Variants in LRRTM4 observed in about 807,000 individuals in gnomAD.
LRRTM4 encodes the protein leucine-rich repeat transmembrane neuronal protein 4.
In LRRTM4, 25 loss-of-function variants were observed where a neutral mutation model predicts 47.6. That is an observed-to-expected ratio of 0.53 (90% CI 0.38 to 0.73). The LOEUF is 0.73. Ranked by LOEUF, LRRTM4 falls within the 30% of genes least tolerant of loss-of-function variation. The pLI is 0.00. For synonymous variants in LRRTM4, 311 were observed against 269.5 expected (o/e 1.15, Z -1.51); for missense variants, 638 against 713.4 (o/e 0.89, Z 1.20).
At chr2:77,321,553 G>GT (rs1553428210) in intron 3 of LRRTM4, among the ~76,000 whole-genome samples, 3 of 71,256 alleles carry the variant, frequency 4.2e-5, no homozygotes, top group African/African-American at 3.1e-4. Flanking sequence ...AAATCGGGGA[G>GT]GGGGGGGGGT....
chr2:76,769,563 G>T (rs894262958), intron 3 of LRRTM4, among the ~76,000 whole-genome samples: 1 of 152,010 alleles, frequency 6.6e-6, no homozygotes, highest in Admixed American at 6.6e-5. Context: ...CAATAATATG[G>T]TTGTTAAAAT....
intron 3 of LRRTM4, among the ~76,000 whole-genome samples, chr2:76,981,463 C>T (rs1460864607): frequency 6.6e-6 from 1 of 152,024 alleles, no homozygotes; most frequent in Non-Finnish European, 1.5e-5. Context: ...AGAAATTTAA[C>T]ATCAGTCCAA....
At chr2:77,015,571 G>A (rs971580016) in intron 3 of LRRTM4, among the ~76,000 whole-genome samples, 1 of 151,732 alleles carries the variant, frequency 6.6e-6, no homozygotes, top group Non-Finnish European at 1.5e-5. Flanking sequence ...TGATCCACCC[G>A]CCTTGGCCTC....
chr2:77,499,575 T>A (rs1678494413), intron 3 of LRRTM4, among the ~76,000 whole-genome samples: 1 of 151,900 alleles, frequency 6.6e-6, no homozygotes, highest in African/African-American at 2.4e-5. Flanking sequence ...TAAACTGAAA[T>A]GAACAACATG....
chr2:77,344,947 T>C (rs1297904428), intron 3 of LRRTM4, among the ~76,000 whole-genome samples: 1 of 151,594 alleles, frequency 6.6e-6, no homozygotes, highest in African/African-American at 2.4e-5. Flanking sequence ...TATGATCAAT[T>C]CTTTCTAGAC....
At position 77,233,467 on chromosome 2, in the gene LRRTM4, G is replaced by C. The variant is rs115429585; in HGVS notation, c.1551+284851C>G. Among the ~76,000 whole-genome samples, 1,371 of 151,752 alleles carry C rather than the reference G, an allele frequency of 9.0e-3. 25 individuals are homozygous for C. Among genetic ancestry groups the C allele is most frequent in the African/African-American group, 0.031 (1,263 of 41,396 alleles). On this transcript the variant is annotated intron_variant, in intron 3 of 3. Coordinates refer to ENST00000409884, the MANE Select transcript of LRRTM4 (RefSeq NM_001134745.3). ...AATAGTGTAAATTCTGGGGTATCTT[G>C]GAATTACACTTTTATGTATGTATAT...
intron 3 of LRRTM4, among the ~76,000 whole-genome samples, chr2:76,863,533 G>C (rs544326615): frequency 2.0e-5 from 3 of 152,250 alleles, no homozygotes; most frequent in Non-Finnish European, 4.4e-5. Context: ...AGCTAGTGTA[G>C]TAGGTATAAG....
chr2:77,155,999 C>A (rs1256293564), intron 3 of LRRTM4, among the ~76,000 whole-genome samples: 1 of 151,684 alleles, frequency 6.6e-6, no homozygotes, highest in Non-Finnish European at 1.5e-5. Context: ...CAGATTGTAC[C>A]CCATAAATAT....
At chr2:77,250,152 G>T (rs980091253) in intron 3 of LRRTM4, among the ~76,000 whole-genome samples, 8 of 152,114 alleles carry the variant, frequency 5.3e-5, no homozygotes, top group Non-Finnish European at 1.2e-4. Context: ...AATCATAATT[G>T]CCAGAAGTTA....
chr2:77,161,733 G>C (rs1239104433), intron 3 of LRRTM4, among the ~76,000 whole-genome samples: 2 of 152,178 alleles, frequency 1.3e-5, no homozygotes, highest in Non-Finnish European at 2.9e-5. Context: ...GTATTTTAGA[G>C]AGGGTCTGTA....
At chr2:77,135,667 T>A (rs1018670767) in intron 3 of LRRTM4, among the ~76,000 whole-genome samples, 1 of 152,190 alleles carries the variant, frequency 6.6e-6, no homozygotes, top group Non-Finnish European at 1.5e-5. Context: ...GGAGAACTTC[T>A]GAAAGTTCTC....
chr2:77,390,672 T>C (rs534891147), intron 3 of LRRTM4, among the ~76,000 whole-genome samples: 1 of 151,472 alleles, frequency 6.6e-6, no homozygotes, highest in Non-Finnish European at 1.5e-5. Context: ...TTTAAAACGT[T>C]AAATAATATT....
rs567740706 is a variant in LRRTM4, at chr2:77,429,222, A to T, written c.1551+89096T>A. Among the ~76,000 whole-genome samples, 3 of 152,240 alleles carry T rather than the reference A, an allele frequency of 2.0e-5. No individual in the cohort carries two copies. The South Asian group carries it at 6.2e-4, about 32-fold the overall frequency. Reference sequence around the variant, plus strand: ...TGTGAAATAAAGCATTTAAAGAACAACTCCAGATACGGAATAATCGATTAT... The same window carrying T: ...TGTGAAATAAAGCATTTAAAGAACATCTCCAGATACGGAATAATCGATTAT... On this transcript the variant is annotated intron_variant, in intron 3 of 3. Coordinates refer to ENST00000409884, the MANE Select transcript of LRRTM4 (RefSeq NM_001134745.3).
intron 3 of LRRTM4, among the ~76,000 whole-genome samples, chr2:77,275,442 T>C (rs564336442): frequency 4.6e-5 from 7 of 152,256 alleles, no homozygotes; most frequent in African/African-American, 1.7e-4. Context: ...GCTCAGTAAA[T>C]GTTCTTGAAT....
chr2:77,045,741 G>T (rs1679212138), intron 3 of LRRTM4, among the ~76,000 whole-genome samples: 1 of 151,918 alleles, frequency 6.6e-6, no homozygotes, highest in South Asian at 2.1e-4. Context: ...ACATGGAACT[G>T]TAAGTCCAAT....
intron 3 of LRRTM4, among the ~76,000 whole-genome samples, chr2:76,842,195 G>A (rs1490801308): frequency 6.6e-6 from 1 of 152,130 alleles, no homozygotes; most frequent in Non-Finnish European, 1.5e-5. Context: ...TGCTTGGGCT[G>A]GTGGTTTATC....
At chr2:77,067,372 T>A (rs1018804005) in intron 3 of LRRTM4, among the ~76,000 whole-genome samples, 1 of 151,940 alleles carries the variant, frequency 6.6e-6, no homozygotes, top group Non-Finnish European at 1.5e-5. Context: ...TACCCCTAGA[T>A]AATAAAACCT....
intron 3 of LRRTM4, among the ~76,000 whole-genome samples, chr2:76,757,603 A>G (rs74560700): frequency 0.073 from 11,058 of 152,172 alleles, 777 homozygotes; most frequent in East Asian, 0.31. Context: ...CTAAATTAGA[A>G]CGAGTAAAGT....
chr2:77,044,089 A>T (rs929727211), intron 3 of LRRTM4, among the ~76,000 whole-genome samples: 1 of 151,622 alleles, frequency 6.6e-6, no homozygotes, highest in Non-Finnish European at 1.5e-5. Flanking sequence ...AAAAATTATA[A>T]TGCCTTAGAT....
Sources: allele counts gnomAD v4.1 joint callset (sites outside exome capture counted in the v4.1 genomes callset), GRCh38; gene constraint gnomAD v4.1.1; transcripts MANE v1.5; gene names NCBI Gene and HGNC (gene_info 2026-07-23, HGNC 2026-07-21).